Variants in FLG observed in about 807,000 individuals in gnomAD.
FLG encodes the protein epidermal filaggrin.
In FLG, 6 loss-of-function variants were observed where a neutral mutation model predicts 3.8. The ratio of observed to expected loss-of-function variants is 1.60; its 90% CI spans 0.87 to 3.15. The LOEUF is 3.15. Ranked by LOEUF, FLG falls within the 30% of genes most tolerant of loss-of-function variation. The pLI is 0.00. For synonymous variants in FLG, 2,551 were observed against 1,931.6 expected, an observed-to-expected ratio of 1.32 and a Z score of -8.41; for missense variants, 7,595 against 5,050.9, an observed-to-expected ratio of 1.50 and a Z score of -15.27.
Position 152,302,970 on chromosome 1 carries a change from T to A in FLG, c.11916A>T (p.Leu3972Phe). Residue 3972 changes from leucine to phenylalanine, a missense_variant, in exon 3 of 3, where the codon TTA (leucine) becomes TTT (phenylalanine). Leu to Phe is a conservative substitution (Grantham distance 22). Transcript: ENST00000368799. ...TACCATAGCTGCCATGTCTCCAAAC[T>A]AAACCTGATTGACCTTTTTGCCTTT... is the stretch of plus-strand genomic sequence containing the variant. ...GTERQKGQSGLVWRHGSYGSA... is the reference protein window; with the variant it reads ...GTERQKGQSGFVWRHGSYGSA... 2 of 1,614,208 alleles carry A rather than the reference T, an allele frequency of 1.2e-6. No individual in the cohort carries two copies. The highest frequency in any genetic ancestry group is 8.5e-7 in the Non-Finnish European group (1 of 1,180,032).
chr1:152,307,565 A>G lies in FLG; in HGVS notation c.7321T>C (p.Ser2441Pro), dbSNP rs756960900. The G allele has an allele frequency of 6.2e-7, 1 of 1,613,478 alleles. No individual in the cohort carries two copies. Among genetic ancestry groups the G allele is most frequent in the South Asian group, 1.1e-5 (1 of 91,040 alleles). Residue 2441 changes from serine (S) to proline (P), a missense_variant, in exon 3 of 3, where the codon TCC becomes CCC. Physicochemically the swap from Ser to Pro is moderately conservative, Grantham distance 74. Coordinates refer to ENST00000368799, the MANE Select transcript of FLG (RefSeq NM_002016.2). ...TGTSTGGRQG[S>P]HHKQARDSSR... ...CTGTCTCGTGCCTGCTTGTGGTGGG[A>G]TCCTTGTCTTCCTCCAGTGCTGGTC...
rs1303223264 is a variant in FLG, at chr1:152,311,221, T to C, written c.3665A>G (p.Lys1222Arg). ...GGAGCCGTCTCCTGATTGTTTGTCC[T>C]TACGAGTTTGTCTGCTTGCACTTCT... is the stretch of plus-strand genomic sequence containing the variant. ...GSRSASRQTR[K>R]DKQSGDGSRH... Residue 1222 changes from lysine (K) to arginine (R), a missense_variant, in exon 3 of 3, where the codon AAG (lysine) becomes AGG (arginine). Lys to Arg is a conservative substitution (Grantham distance 26). Transcript: ENST00000368799. The C allele has an allele frequency of 1.2e-6, 2 of 1,613,672 alleles. No homozygotes were observed. Among genetic ancestry groups the C allele is most frequent in the Non-Finnish European group, 1.7e-6 (2 of 1,179,946 alleles).
At position 152,305,141 on chromosome 1, in the gene FLG, G is replaced by T. The variant is rs762000334; in HGVS notation, c.9745C>A (p.His3249Asn). ...TGGGACCTGGGGTGTCTGGAGCCGT[G>T]CCTTGACTGCTCCTGAACAGATCCA... ...HRGSVQEQSR[H>N]GSRHPRSHHE... is the part of the protein sequence containing the mutation. Residue 3249 changes from histidine (H) to asparagine (N), a missense_variant, in exon 3 of 3, where the codon CAC (histidine) becomes AAC (asparagine). By Grantham distance (68) the His-to-Asn change is moderately conservative. Coordinates refer to ENST00000368799, the MANE Select transcript of FLG (RefSeq NM_002016.2). 4 of 1,613,604 alleles carry T rather than the reference G, an allele frequency of 2.5e-6. No individual in the cohort carries two copies. In the East Asian group the frequency reaches 6.7e-5, roughly 27 times the overall value.
rs769926542 is a variant in FLG at position 152,308,184 on chromosome 1, C to A, written c.6702G>T (p.Arg2234Ser). The change falls in exon 3 of 3, where the codon AGG (arginine) becomes AGT (serine). Residue 2234 changes from arginine to serine, a missense_variant. Coordinates refer to ENST00000368799, the MANE Select transcript of FLG (RefSeq NM_002016.2). ...LVGQGQSSGP[R>S]TSRPRGSSVS... ...CACTGGATCCCCGGGGCCTGCTTGTCCTGGGCCCTGATGATTGTCCCTGGC... is the reference window on the plus strand; with the variant it reads ...CACTGGATCCCCGGGGCCTGCTTGTACTGGGCCCTGATGATTGTCCCTGGC... The A allele has an allele frequency of 6.2e-7, 1 of 1,613,918 alleles. No homozygotes were observed. Among genetic ancestry groups the A allele is most frequent in the South Asian group, 1.1e-5 (1 of 91,062 alleles).
chr1:152,315,439 T>G lies in FLG; in HGVS notation c.18A>C (p.Glu6Asp). 1 of 1,612,288 alleles carries G rather than the reference T, an allele frequency of 6.2e-7. No individual in the cohort carries two copies. The highest frequency in any genetic ancestry group is 8.5e-7 in the Non-Finnish European group (1 of 1,179,208). Residue 6 changes from glutamate (E) to aspartate (D), a missense_variant, in exon 2 of 3, where the codon GAA (glutamate) becomes GAC (aspartate). Physicochemically the swap from Glu to Asp is conservative, Grantham distance 45. Coordinates refer to ENST00000368799, the MANE Select transcript of FLG (RefSeq NM_002016.2). MSTLL[E>D]NIFAIINLFK... ...AAAGATTAATTATGGCAAAGATGTT[T>G]TCCAGGAGAGTAGACATCTTTTGGC...
At position 152,307,663 on chromosome 1, in the gene FLG, G is replaced by A. The variant is rs370848342; in HGVS notation, c.7223C>T (p.Ser2408Phe). The A allele has an allele frequency of 1.5e-5, 24 of 1,613,370 alleles. No homozygotes were observed. Among genetic ancestry groups the A allele is most frequent in the Non-Finnish European group, 1.9e-5 (22 of 1,179,892 alleles). Reference sequence around the variant, plus strand: ...GTAGAGGAAAGACCCTGAACGTCCAGACCTTCCTGCTGACCGGCCACGTGT... The same window carrying A: ...GTAGAGGAAAGACCCTGAACGTCCAAACCTTCCTGCTGACCGGCCACGTGT... ...ESTRGRSAGR[S>F]GRSGSFLYQV... The change falls in exon 3 of 3, where the codon TCT (serine) becomes TTT (phenylalanine). Residue 2408 changes from serine to phenylalanine, a missense_variant. Transcript: ENST00000368799.
chr1:152,305,030 G>C lies in FLG; in HGVS notation c.9856C>G (p.Gln3286Glu), dbSNP rs878948702. 4 of 1,613,980 alleles carry C rather than the reference G, an allele frequency of 2.5e-6. No individual in the cohort carries two copies. The highest frequency in any genetic ancestry group is 2.2e-5 in the South Asian group (2 of 91,026). Reference protein sequence around the residue: ...TRHAETSSGGQAASSHEQARS... With the variant: ...TRHAETSSGGEAASSHEQARS... ...GCCTGTTCATGGGATGATGCAGCCTGTCCACCAGAGGAAGTCTCTGCGTGA... is the reference window on the plus strand; with the variant it reads ...GCCTGTTCATGGGATGATGCAGCCTCTCCACCAGAGGAAGTCTCTGCGTGA... The change falls in exon 3 of 3, where the codon CAG becomes GAG. Residue 3286 changes from glutamine (Q) to glutamate (E), a missense_variant. Gln to Glu is a conservative substitution (Grantham distance 29). Coordinates refer to ENST00000368799, the MANE Select transcript of FLG (RefSeq NM_002016.2).
In FLG at chr1:152,305,793, CACTG is replaced by C. The variant is rs1259605721; in HGVS notation, c.9089_9092del (p.Ser3030CysfsTer36). Reference sequence around the variant, plus strand: ...GGGACCCAGCCTGTCCGTGGGCTGACACTGACTGTGTGTCTGAGTCTTCTGAATG... The same window carrying C: ...GGGACCCAGCCTGTCCGTGGGCTGACACTGTGTGTCTGAGTCTTCTGAATG... On this transcript the variant is annotated frameshift_variant, in exon 3 of 3. Transcript: ENST00000368799. LOFTEE classifies it low-confidence loss of function (END_TRUNC). 2 of 1,072,592 alleles carry C rather than the reference CACTG, an allele frequency of 1.9e-6. No individual in the cohort carries two copies. The highest frequency in any genetic ancestry group is 1.5e-5 in the South Asian group (1 of 68,022). The allele number at this position is 1,072,592 out of a possible 1,614,324, so 66.4% of individuals were successfully genotyped here.
chr1:152,313,556 C>T lies in FLG; in HGVS notation c.1330G>A (p.Gly444Arg), dbSNP rs11588170. Residue 444 changes from glycine (G) to arginine (R), a missense_variant, in exon 3 of 3, where the codon GGG becomes AGG. Gly to Arg is a moderately radical substitution (Grantham distance 125). Coordinates refer to ENST00000368799, the MANE Select transcript of FLG (RefSeq NM_002016.2). ...TCTTGGTGGCTCTGCTGTCTCAGCC[C>T]AGCCTTTCCGTGGCCTGACACTGAT... is the stretch of plus-strand genomic sequence containing the variant. ...TQSVSGHGKAGLRQQSHQEST... is the reference protein window; with the variant it reads ...TQSVSGHGKARLRQQSHQEST... 276,344 of 1,613,350 alleles carry T rather than the reference C, an allele frequency of 0.17. 33,051 individuals are homozygous for T. The highest frequency in any genetic ancestry group is 0.56 in the East Asian group (25,093 of 44,752).
In FLG at chr1:152,309,492, T is replaced by C. The variant is rs1652238612; in HGVS notation, c.5394A>G (p.Arg1798=). The part of the protein sequence containing the change: ...GRQRSRHEQA[R]DSSRHSASQE... ...GGGACGCTGAGTGCCTGGAGCTGTC[T>C]CGTGCCTGCTCGTGGCGGGATCTTT... Residue 1798 remains arginine (R), a synonymous_variant, in exon 3 of 3, where the codon CGA becomes CGG. Coordinates refer to ENST00000368799, the MANE Select transcript of FLG (RefSeq NM_002016.2). The C allele has an allele frequency of 2.5e-6, 4 of 1,613,800 alleles. No individual in the cohort carries two copies. Among genetic ancestry groups the C allele is most frequent in the Non-Finnish European group, 3.4e-6 (4 of 1,179,980 alleles).
In FLG at chr1:152,306,430, G is replaced by C. The variant is rs370029497; in HGVS notation, c.8456C>G (p.Thr2819Ser). 15 of 1,605,314 alleles carry C rather than the reference G, an allele frequency of 9.3e-6. No homozygotes were observed. In the African/African-American group the frequency reaches 1.8e-4, roughly 19 times the overall value. ...GGCATCAGACCTTCCCTGGGATGTG[G>C]TGTGGCTGTGATGGGACCCTGAGTG... ...SGHSGSHHSH[T>S]TSQGRSDASR... Residue 2819 changes from threonine to serine, a missense_variant, in exon 3 of 3, where the codon ACC becomes AGC. Coordinates refer to ENST00000368799, the MANE Select transcript of FLG (RefSeq NM_002016.2).
Position 152,309,590 on chromosome 1 carries a change from G to A in FLG, c.5296C>T (p.Leu1766Phe), listed in dbSNP as rs1200210234. Reference protein sequence around the residue: ...GERSGRSGSFLYQVSTHEQSE... With the variant: ...GERSGRSGSFFYQVSTHEQSE... ...TGTTCATGAGTGCTCACCTGGTAGA[G>A]GAAAGACCCTGAACGTCCAGACCTT... The change falls in exon 3 of 3, where the codon CTC becomes TTC. Residue 1766 changes from leucine (L) to phenylalanine (F), a missense_variant. Transcript: ENST00000368799. 1.2e-6 allele frequency: 2 copies of A among 1,613,796 alleles called. No homozygotes were observed. Among genetic ancestry groups the A allele is most frequent in the African/African-American group, 2.7e-5 (2 of 74,840 alleles).
chr1:152,303,737 G>C lies in FLG; in HGVS notation c.11149C>G (p.His3717Asp). Residue 3717 changes from histidine (H) to aspartate (D), a missense_variant, in exon 3 of 3, where the codon CAT (histidine) becomes GAT (aspartate). His to Asp is a moderately conservative substitution (Grantham distance 81, BLOSUM62 -1). Transcript: ENST00000368799. ...CCATGGGCAGACTCAGACTGTTCAT[G>C]AGTGCTCACCTGGTAGAGGAAAGAC... ...SGSFLYQVST[H>D]EQSESAHGRA... 6.2e-7 allele frequency: 1 copy of C among 1,613,896 alleles called. No homozygotes were observed. The highest frequency in any genetic ancestry group is 1.7e-4 in the Middle Eastern group (1 of 6,060).
rs201615654 is a variant in FLG, at chr1:152,303,410, A to G, written c.11476T>C (p.Ser3826Pro). 1.6e-4 allele frequency: 254 copies of G among 1,613,872 alleles called. No individual in the cohort carries two copies. The highest frequency in any genetic ancestry group is 1.9e-4 in the Non-Finnish European group (223 of 1,180,002). The change falls in exon 3 of 3, where the codon TCA becomes CCA. Residue 3826 changes from serine (S) to proline (P), a missense_variant. Transcript: ENST00000368799. ...EEQSGDGSRHSGSRHHEASTQ... is the reference protein window; with the variant it reads ...EEQSGDGSRHPGSRHHEASTQ... ...GAAGCTTCATGGTGACGCGACCCTG[A>G]GTGCCTGGAGCCGTCTCCTGACTGT...
chr1:152,303,627 C>A lies in FLG; in HGVS notation c.11259G>T (p.Glu3753Asp), dbSNP rs563905924. Reference sequence around the variant, plus strand: ...GGTGTCCACGAATGGTGTCCTGACCCTCTTGGGACGCTGAGTGCCTGGAGC... The same window carrying A: ...GGTGTCCACGAATGGTGTCCTGACCATCTTGGGACGCTGAGTGCCTGGAGC... Reference protein sequence around the residue: ...RDSSRHSASQEGQDTIRGHPG... With the variant: ...RDSSRHSASQDGQDTIRGHPG... The change falls in exon 3 of 3, where the codon GAG becomes GAT. Residue 3753 changes from glutamate (E) to aspartate (D), a missense_variant. By Grantham distance (45) the Glu-to-Asp change is conservative. Transcript: ENST00000368799. 8.7e-6 allele frequency: 14 copies of A among 1,613,570 alleles called. No individual in the cohort carries two copies. Among genetic ancestry groups the A allele is most frequent in the Admixed American group, 6.7e-5 (4 of 59,960 alleles).
At chr1:152,322,631 C>A (rs1212060707) in intron 1 of FLG, among the ~76,000 whole-genome samples, 1 of 150,320 alleles carries the variant, frequency 6.7e-6, no homozygotes, top group Non-Finnish European at 1.5e-5. Context: ...GGAAAGGAGG[C>A]TATTCATAAA....
rs1325619904 is a variant in FLG at position 152,312,369 on chromosome 1, G to A, written c.2517C>T (p.Asp839=). Residue 839 remains aspartate (D), a synonymous_variant, in exon 3 of 3, where the codon GAC becomes GAT. Coordinates refer to ENST00000368799, the MANE Select transcript of FLG (RefSeq NM_002016.2). Reference sequence around the variant, plus strand: ...TTGACCCCGGGTGTCCACGAATGGTGTCCTGACCATCTTGGGATGCTGAGT... The same window carrying A: ...TTGACCCCGGGTGTCCACGAATGGTATCCTGACCATCTTGGGATGCTGAGT... ...SRHSASQDGQ[D]TIRGHPGSSR... is the part of the protein sequence containing the mutation. 9.9e-6 allele frequency: 16 copies of A among 1,611,662 alleles called. No individual in the cohort carries two copies. The highest frequency in any genetic ancestry group is 1.4e-5 in the Non-Finnish European group (16 of 1,179,430).
At position 152,307,962 on chromosome 1, in the gene FLG, C is replaced by A; in HGVS notation, c.6924G>T (p.Glu2308Asp). 1 of 1,614,160 alleles carries A rather than the reference C, an allele frequency of 6.2e-7. No individual in the cohort carries two copies. The highest frequency in any genetic ancestry group is 8.5e-7 in the Non-Finnish European group (1 of 1,180,036). ...SSRQSGTHHA[E>D]NSSGGQAASS... ...ATGCAGCCTGTCCACCAGAGGAATT[C>A]TCTGCATGATGAGTGCCTGATTGTC... The change falls in exon 3 of 3, where the codon GAG (glutamate) becomes GAT (aspartate). Residue 2308 changes from glutamate to aspartate, a missense_variant. Glu to Asp is a conservative substitution (Grantham distance 45). Transcript: ENST00000368799.
chr1:152,307,452 G>T lies in FLG; in HGVS notation c.7434C>A (p.Tyr2478Ter). The T allele has an allele frequency of 3.1e-6, 5 of 1,613,136 alleles. No homozygotes were observed. Among genetic ancestry groups the T allele is most frequent in the East Asian group, 2.2e-5 (1 of 44,742 alleles). ...SSSGGRQGSH[Y>*]EQLVDRSGHS... ...GTCCAGATCTATCTACCAATTGCTC[G>T]TAGTGGGATCCCTGCCTTCCTCCAC... The change falls in exon 3 of 3, where the codon TAC becomes TAA. Residue 2478 changes from tyrosine to a stop codon, truncating the protein, a stop_gained. Transcript: ENST00000368799. LOFTEE classifies it low-confidence loss of function (END_TRUNC).
Sources: gnomAD v4.1 joint callset for allele counts (sites outside exome capture counted in the v4.1 genomes callset) on GRCh38, gnomAD v4.1.1 for gene constraint, MANE v1.5 for transcripts, NCBI Gene and HGNC (gene_info 2026-07-23, HGNC 2026-07-21) for gene names.